The following KCNIP4 variants were observed in gnomAD, a reference collection of about 807,000 sequenced individuals.
The protein encoded by KCNIP4 is potassium voltage-gated channel interacting protein 4, also known as Kv channel-interacting protein 4.
KCNIP4 carries 12 observed loss-of-function variants against 34.0 expected under a neutral mutation model. The ratio of observed to expected loss-of-function variants is 0.35; its 90% CI spans 0.23 to 0.57. The LOEUF is 0.57. KCNIP4 is among the 20% of genes least tolerant of loss of function. The pLI is 0.83. For synonymous variants in KCNIP4, 124 were observed against 102.2 expected (o/e 1.21, Z -1.29); for missense variants, 238 against 311.7 (o/e 0.76, Z 1.78).
At chr4:21,637,796 A>AG (rs1342366733) in intron 1 of KCNIP4, among the ~76,000 whole-genome samples, 2 of 151,864 alleles carry the variant, frequency 1.3e-5, no homozygotes, top group Non-Finnish European at 2.9e-5. Context: ...AAAAAAAAAA[A>AG]AAAAAAAAGA....
At chr4:21,425,700 G>A (rs1160240724) in intron 1 of KCNIP4, among the ~76,000 whole-genome samples, 1 of 151,996 alleles carries the variant, frequency 6.6e-6, no homozygotes, top group African/African-American at 2.4e-5. Flanking sequence ...AAATAAAAAA[G>A]AAACTCTTGT....
intron 1 of KCNIP4, among the ~76,000 whole-genome samples, chr4:21,670,966 T>G (rs897317407): frequency 7.1e-6 from 1 of 141,058 alleles, no homozygotes; most frequent in African/African-American, 2.7e-5. Context: ...GAGTAAACTT[T>G]TTTTTTTTTT....
In KCNIP4 at chr4:21,532,192, A is replaced by G. The variant is rs373721293; in HGVS notation, c.61+416379T>C. ...GATATAATGAGATAGATGCACATTT[A>G]CATTTTGAAAATCAGGTTTTCTTCA... On this transcript the variant is annotated intron_variant, in intron 1 of 8. Transcript: ENST00000382152. Among the ~76,000 whole-genome samples, 5 of 152,170 alleles carry G rather than the reference A, an allele frequency of 3.3e-5. No individual in the cohort carries two copies. In the East Asian group the frequency reaches 9.6e-4, roughly 29 times the overall value.
chr4:20,997,716 C>T lies in KCNIP4; in HGVS notation c.62-115007G>A, dbSNP rs140614772. Among the ~76,000 whole-genome samples, 1,514 of 152,236 alleles carry T rather than the reference C, an allele frequency of 9.9e-3. 10 individuals carry two copies. The highest frequency in any genetic ancestry group is 0.017 in the Middle Eastern group (5 of 294). ...CCAGTCTTCAAGTTTCAAACATCAACGAGGAAGATTCTGTATGTAGGTCAG... is the reference window on the plus strand; with the variant it reads ...CCAGTCTTCAAGTTTCAAACATCAATGAGGAAGATTCTGTATGTAGGTCAG... On this transcript the variant is annotated intron_variant, in intron 1 of 8. Coordinates refer to ENST00000382152, the MANE Select transcript of KCNIP4 (RefSeq NM_025221.6).
intron 1 of KCNIP4, among the ~76,000 whole-genome samples, chr4:21,757,497 C>T (rs1717746770): frequency 6.6e-6 from 1 of 152,102 alleles, no homozygotes; most frequent in South Asian, 2.1e-4. Context: ...GATGTAATGC[C>T]TCCTCTCTAT....
chr4:21,625,774 T>C (rs1745277851), intron 1 of KCNIP4, among the ~76,000 whole-genome samples: 1 of 152,164 alleles, frequency 6.6e-6, no homozygotes, highest in Non-Finnish European at 1.5e-5. Context: ...ATAATGGGAA[T>C]AGTCAATACC....
intron 1 of KCNIP4, among the ~76,000 whole-genome samples, chr4:21,651,727 A>G (rs1478633713): frequency 6.6e-6 from 1 of 152,198 alleles, no homozygotes; most frequent in Non-Finnish European, 1.5e-5. Flanking sequence ...TGTCCTTAGA[A>G]TCCTCAATAT....
chr4:21,607,806 A>T (rs993447628), intron 1 of KCNIP4, among the ~76,000 whole-genome samples: 5 of 151,908 alleles, frequency 3.3e-5, no homozygotes, highest in African/African-American at 1.2e-4. Context: ...TCACAGAAAA[A>T]CCTATGCTTA....
chr4:20,882,468 T>A, intron 2 of KCNIP4, 140 bp downstream of exon 2: 1 of 645,132 alleles, frequency 1.6e-6, no homozygotes, highest in South Asian at 1.9e-5. Context: ...TTCTCCTGGG[T>A]ATTTAGGTAA....
intron 1 of KCNIP4, among the ~76,000 whole-genome samples, chr4:21,928,721 C>A (rs148280404): frequency 1.2e-3 from 188 of 152,174 alleles, no homozygotes; most frequent in Admixed American, 2.6e-3. Context: ...ATCCATGACA[C>A]ACTTCTCAAA....
chr4:21,601,179 T>A (rs1645193251), intron 1 of KCNIP4, among the ~76,000 whole-genome samples: 1 of 151,932 alleles, frequency 6.6e-6, no homozygotes, highest in South Asian at 2.1e-4. Flanking sequence ...TTCTTCACAT[T>A]GCTGCAGTCC....
At chr4:21,521,811 G>A (rs950793055) in intron 1 of KCNIP4, among the ~76,000 whole-genome samples, 3 of 151,954 alleles carry the variant, frequency 2.0e-5, no homozygotes, top group African/African-American at 7.3e-5. Flanking sequence ...TTCTACCCAT[G>A]CAATGGATGG....
intron 2 of KCNIP4, among the ~76,000 whole-genome samples, chr4:20,855,668 A>G (rs1045693599): frequency 6.6e-6 from 1 of 151,560 alleles, no homozygotes; most frequent in Non-Finnish European, 1.5e-5. Context: ...GGAGTTTACA[A>G]AAAAAAAATT....
Position 20,758,843 on chromosome 4 carries a change from G to A in KCNIP4, c.336C>T (p.Tyr112=), listed in dbSNP as rs781761701. 1 of 1,613,204 alleles carries A rather than the reference G, an allele frequency of 6.2e-7. No individual in the cohort carries two copies. The highest frequency in any genetic ancestry group is 8.5e-7 in the Non-Finnish European group (1 of 1,179,324). ...VVNEETFKEI[Y]SQFFPQGDST... ...TACCTCCCTGTGGAAAGAACTGCGA[G>A]TAAATCTCTTTGAAGGTTTCTTCAT... The change falls in exon 4 of 9, where the codon TAC becomes TAT. Residue 112 remains tyrosine (Y), a synonymous_variant. Coordinates refer to ENST00000382152, the MANE Select transcript of KCNIP4 (RefSeq NM_025221.6).
intron 1 of KCNIP4, among the ~76,000 whole-genome samples, chr4:21,177,909 C>T (rs938606543): frequency 1.4e-5 from 2 of 147,954 alleles, no homozygotes; most frequent in Non-Finnish European, 3.0e-5. Context: ...AAAATTTAAA[C>T]AAAGTTTGCA....
At chr4:21,362,363 T>C (rs1342228638) in intron 1 of KCNIP4, among the ~76,000 whole-genome samples, 15 of 152,122 alleles carry the variant, frequency 9.9e-5, no homozygotes, top group Admixed American at 8.5e-4. Flanking sequence ...GAACTTGCCA[T>C]TCTGCCAACT....
At position 21,250,031 on chromosome 4, in the gene KCNIP4, G is replaced by C. The variant is rs184848178; in HGVS notation, c.62-367322C>G. ...ATTTCTTGATATCCATTCAGGCTTT[G>C]AAAAGAGATCTTATCCAAGCAATAC... On this transcript the variant is annotated intron_variant, in intron 1 of 8. Coordinates refer to ENST00000382152, the MANE Select transcript of KCNIP4 (RefSeq NM_025221.6). 6.5e-3 allele frequency among the ~76,000 whole-genome samples: 983 copies of C among 151,976 alleles called. 9 individuals are homozygous for C. The highest frequency in any genetic ancestry group is 7.3e-3 in the Non-Finnish European group (499 of 67,930).
chr4:21,556,726 G>C (rs113797519), intron 1 of KCNIP4, among the ~76,000 whole-genome samples: 2 of 151,700 alleles, frequency 1.3e-5, no homozygotes, highest in Admixed American at 1.3e-4. Context: ...TTCCAGACCT[G>C]CCTGGCCAAC....
At chr4:21,132,700 T>C (rs1463836629) in intron 1 of KCNIP4, among the ~76,000 whole-genome samples, 1 of 152,150 alleles carries the variant, frequency 6.6e-6, no homozygotes, top group East Asian at 1.9e-4. Context: ...TGCAGATTTA[T>C]AACATGTTAG....
Sources: allele counts gnomAD v4.1 joint callset (sites outside exome capture counted in the v4.1 genomes callset), GRCh38; gene constraint gnomAD v4.1.1; transcripts MANE v1.5; gene names NCBI Gene and HGNC (gene_info 2026-07-23, HGNC 2026-07-21).